The following ZNF565 variants were observed in gnomAD, a reference collection of about 807,000 sequenced individuals.
ZNF565 encodes zinc finger protein 565.
Under a neutral mutation model 39.4 loss-of-function variants are expected in ZNF565, and 27 were observed. That is an observed-to-expected ratio of 0.69 (90% CI 0.51 to 0.95). ZNF565 has a LOEUF of 0.95. ZNF565 is among the 40% of genes least tolerant of loss of function. The probability of loss-of-function intolerance (pLI) is 0.00; values close to 1 mark genes in which losing one functional copy is unlikely to be tolerated. For synonymous variants in ZNF565, 185 were observed against 216.6 expected (o/e 0.85, Z 1.28); for missense variants, 524 against 621.1 (o/e 0.84, Z 1.66).
chr19:36,207,638 A>ACC (rs1425338908), intron 1 of ZNF565, among the ~76,000 whole-genome samples: 2 of 152,150 alleles, frequency 1.3e-5, no homozygotes, highest in Non-Finnish European at 2.9e-5. Context: ...AGTGTGGAAG[A>ACC]CATTACTATG....
chr19:36,215,373 A>G (rs1469838328), upstream of ZNF565, among the ~76,000 whole-genome samples: 4 of 152,004 alleles, frequency 2.6e-5, no homozygotes, highest in Non-Finnish European at 5.9e-5. Flanking sequence ...TTTGTCCTCA[A>G]AGTTTGACCT....
At chr19:36,220,054 G>A (rs1315490042) in intron 1 of ZNF565, among the ~76,000 whole-genome samples, 6 of 152,032 alleles carry the variant, frequency 3.9e-5, no homozygotes, top group Non-Finnish European at 7.4e-5. Context: ...TCTCATTTTG[G>A]CTGACATCAT....
intron 2 of ZNF565, among the ~76,000 whole-genome samples, chr19:36,200,591 C>G (rs555835412): frequency 3.3e-5 from 5 of 149,506 alleles, no homozygotes; most frequent in African/African-American, 1.2e-4. Context: ...TAGGTTCAAG[C>G]GATTCTCCTG....
At chr19:36,220,855 CTT>C (rs61343359) in intron 1 of ZNF565, among the ~76,000 whole-genome samples, 60 of 142,248 alleles carry the variant, frequency 4.2e-4, no homozygotes, top group Middle Eastern at 3.7e-3. Flanking sequence ...TAAAATGCAT[CTT>C]TTTTTTTTTT....
At chr19:36,187,207 A>G (rs1975333740) in intron 4 of ZNF565, among the ~76,000 whole-genome samples, 1 of 151,882 alleles carries the variant, frequency 6.6e-6, no homozygotes, top group Admixed American at 6.6e-5. Context: ...AAAAAAATAG[A>G]CTTTAAAAAC....
chr19:36,185,586 G>A (rs917073715), intron 4 of ZNF565, among the ~76,000 whole-genome samples: 1 of 151,894 alleles, frequency 6.6e-6, no homozygotes, highest in Non-Finnish European at 1.5e-5. Flanking sequence ...CCATCTATGA[G>A]CATGTAAAAT....
chr19:36,199,688 A>G (rs756440756), intron 2 of ZNF565, among the ~76,000 whole-genome samples: 1 of 151,846 alleles, frequency 6.6e-6, no homozygotes, highest in Non-Finnish European at 1.5e-5. Flanking sequence ...TCGTATATAC[A>G]TATCTTTTGT....
intron 4 of ZNF565, among the ~76,000 whole-genome samples, chr19:36,193,292 AT>A (rs1975632291): frequency 6.6e-6 from 1 of 151,216 alleles, no homozygotes; most frequent in Admixed American, 6.6e-5. Flanking sequence ...CAATTTTTGT[AT>A]TTTTAGTAGA....
At chr19:36,244,452 G>C (rs1292557539) in intron 1 of ZNF565, among the ~76,000 whole-genome samples, 1 of 152,232 alleles carries the variant, frequency 6.6e-6, no homozygotes, top group Non-Finnish European at 1.5e-5. Flanking sequence ...GGAGACTGAA[G>C]TAGGAGAATT....
At chr19:36,216,036 T>A (rs143136980), upstream of ZNF565, among the ~76,000 whole-genome samples, 1 of 152,126 alleles carries the variant, frequency 6.6e-6, no homozygotes, top group Non-Finnish European at 1.5e-5. Context: ...TCTAAGGAAA[T>A]CACCCCGCCC....
chr19:36,214,303 T>C (rs1976494254), intron 1 of ZNF565, among the ~76,000 whole-genome samples: 1 of 151,924 alleles, frequency 6.6e-6, no homozygotes, highest in Non-Finnish European at 1.5e-5. Flanking sequence ...ACACCCGCAG[T>C]GGTCACACAG....
intron 1 of ZNF565, among the ~76,000 whole-genome samples, chr19:36,211,391 T>TGA (rs998213589): frequency 6.9e-6 from 1 of 144,384 alleles, no homozygotes; most frequent in Non-Finnish European, 1.5e-5. Flanking sequence ...TGCAGTGAGC[T>TGA]GAGATCATGT....
chr19:36,208,962 A>G (rs1012446683), intron 1 of ZNF565, among the ~76,000 whole-genome samples: 2 of 152,082 alleles, frequency 1.3e-5, no homozygotes, highest in South Asian at 2.1e-4. Flanking sequence ...CCTCCCAAAT[A>G]GCTGGGACTA....
intron 1 of ZNF565, among the ~76,000 whole-genome samples, chr19:36,209,213 G>GT (rs1226950481): frequency 1.3e-5 from 2 of 152,098 alleles, no homozygotes; most frequent in South Asian, 2.1e-4. Flanking sequence ...ACTGAAATAG[G>GT]TAAGTGGGAA....
chr19:36,203,089 CT>C (rs1286046549), intron 1 of ZNF565, among the ~76,000 whole-genome samples: 1 of 152,072 alleles, frequency 6.6e-6, no homozygotes, highest in Non-Finnish European at 1.5e-5. Flanking sequence ...AATCCCAGCA[CT>C]TTGGGAGGCC....
At chr19:36,243,268 A>C (rs1410888812) in intron 1 of ZNF565, among the ~76,000 whole-genome samples, 2 of 152,128 alleles carry the variant, frequency 1.3e-5, no homozygotes, top group Non-Finnish European at 2.9e-5. Context: ...TCCTGACTTC[A>C]GGTGATCCAC....
At chr19:36,201,711 G>T (rs1975970740) in intron 2 of ZNF565, among the ~76,000 whole-genome samples, 1 of 152,056 alleles carries the variant, frequency 6.6e-6, no homozygotes, top group African/African-American at 2.4e-5. Context: ...CTGGCCTCAA[G>T]CAATCGGCCC....
At chr19:36,201,828 C>A (rs1250935068) in intron 2 of ZNF565, 149 bp downstream of exon 2, 2 of 847,568 alleles carry the variant, frequency 2.4e-6, no homozygotes, top group African/African-American at 3.4e-5. Context: ...GAGGAGAGGG[C>A]CACCGAGGGA....
chr19:36,232,640 C>T lies in ZNF565; in HGVS notation c.55+12836G>A, dbSNP rs773206497. Among the ~76,000 whole-genome samples the T allele has an allele frequency of 9.3e-5, 14 of 150,052 alleles. 1 individual carries two copies. Among genetic ancestry groups the T allele is most frequent in the Admixed American group, 2.0e-4 (3 of 15,038 alleles). ...TTTTTTTTTCCCGAGACATAGTCTC[C>T]CTCTGTCACCCAGGCTGGAGTGCAG... On this transcript the variant is annotated intron_variant, in intron 1 of 4. Transcript: ENST00000355114.
Sources: allele counts gnomAD v4.1 joint callset (sites outside exome capture counted in the v4.1 genomes callset), GRCh38; gene constraint gnomAD v4.1.1; transcripts MANE v1.5; gene names NCBI Gene and HGNC (gene_info 2026-07-23, HGNC 2026-07-21).